The following NRG3 variants were observed in gnomAD, a reference collection of about 807,000 sequenced individuals.
The protein encoded by NRG3 is neuregulin 3.
Under a neutral mutation model 66.9 loss-of-function variants are expected in NRG3, and 31 were observed. That is an observed-to-expected ratio of 0.46 (90% confidence interval 0.35 to 0.63). The LOEUF (loss-of-function observed/expected upper bound fraction) is 0.63. NRG3 is among the 20% of genes least tolerant of loss of function. The pLI, the probability that NRG3 is intolerant of heterozygous loss-of-function variation, is 0.00. For missense variants in NRG3, 910 were observed against 878.9 expected (o/e 1.04, Z -0.45); for synonymous variants, 393 against 359.4 (o/e 1.09, Z -1.06).
intron 1 of NRG3, among the ~76,000 whole-genome samples, chr10:82,024,998 C>T (rs969238385): frequency 2.0e-5 from 3 of 152,016 alleles, no homozygotes; most frequent in African/African-American, 7.2e-5. Context: ...CTAAGTGAAT[C>T]AGTTGAACAT....
intron 1 of NRG3, among the ~76,000 whole-genome samples, chr10:81,901,410 T>C (rs1589398449): frequency 1.3e-5 from 2 of 152,206 alleles, no homozygotes; most frequent in African/African-American, 4.8e-5. Context: ...CTCATACCTA[T>C]AATTCCAGTG....
At chr10:82,646,558 G>T (rs1269523147) in intron 2 of NRG3, among the ~76,000 whole-genome samples, 1 of 152,156 alleles carries the variant, frequency 6.6e-6, no homozygotes, top group Non-Finnish European at 1.5e-5. Context: ...AAATTACGAT[G>T]TCGAAGACAA....
chr10:82,233,625 C>A (rs1237944057), intron 1 of NRG3, among the ~76,000 whole-genome samples: 1 of 152,070 alleles, frequency 6.6e-6, no homozygotes, highest in Admixed American at 6.6e-5. Context: ...TATCTAACTG[C>A]CTCTTTGCCC....
chr10:82,215,301 G>A (rs189513498), intron 1 of NRG3, among the ~76,000 whole-genome samples: 96 of 152,198 alleles, frequency 6.3e-4, no homozygotes, highest in African/African-American at 1.9e-3. Context: ...GCTTTTATAA[G>A]TAATATTTTG....
intron 2 of NRG3, among the ~76,000 whole-genome samples, chr10:82,512,705 T>G (rs533665304): frequency 6.6e-6 from 1 of 152,328 alleles, no homozygotes; most frequent in Non-Finnish European, 1.5e-5. Flanking sequence ...GAGTGAATTT[T>G]CGGTAGATTT....
At chr10:82,040,975 T>C (rs2063006922) in intron 1 of NRG3, among the ~76,000 whole-genome samples, 1 of 152,130 alleles carries the variant, frequency 6.6e-6, no homozygotes. Context: ...TGTTATGATG[T>C]ATCATTTAGA....
chr10:82,815,131 G>C (rs909848241), intron 3 of NRG3, among the ~76,000 whole-genome samples: 1 of 152,152 alleles, frequency 6.6e-6, no homozygotes, highest in Non-Finnish European at 1.5e-5. Context: ...GGTTGGCTTT[G>C]GTCATACCAT....
intron 1 of NRG3, among the ~76,000 whole-genome samples, chr10:82,229,930 A>G (rs2076371138): frequency 6.6e-6 from 1 of 152,214 alleles, no homozygotes; most frequent in East Asian, 1.9e-4. Flanking sequence ...AAAAAATGAA[A>G]CAAAATAAAT....
chr10:82,484,458 A>C (rs775529113), intron 2 of NRG3, among the ~76,000 whole-genome samples: 2 of 152,244 alleles, frequency 1.3e-5, no homozygotes, highest in Non-Finnish European at 2.9e-5. Context: ...TGCCTGGCAC[A>C]AGTCAACAAT....
At chr10:82,377,462 G>A (rs540809925) in intron 2 of NRG3, among the ~76,000 whole-genome samples, 3 of 151,880 alleles carry the variant, frequency 2.0e-5, no homozygotes, top group African/African-American at 4.8e-5. Flanking sequence ...GTGTGTGCGC[G>A]AGCGCACATG....
At chr10:82,809,175 T>G (rs1204605540) in intron 3 of NRG3, among the ~76,000 whole-genome samples, 3 of 152,122 alleles carry the variant, frequency 2.0e-5, no homozygotes, top group Admixed American at 2.0e-4. Context: ...CAATATATAT[T>G]TAGTACTCGC....
At chr10:82,410,669 T>G (rs2088005858) in intron 2 of NRG3, among the ~76,000 whole-genome samples, 1 of 152,048 alleles carries the variant, frequency 6.6e-6, no homozygotes, top group African/African-American at 2.4e-5. Flanking sequence ...GTAAAACCAG[T>G]GAATTGTATA....
intron 1 of NRG3, among the ~76,000 whole-genome samples, chr10:82,350,954 C>G (rs1231503291): frequency 6.6e-6 from 1 of 151,668 alleles, no homozygotes; most frequent in African/African-American, 2.4e-5. Context: ...TGCTGTGGCG[C>G]GATCTCGGCT....
At chr10:82,104,763 C>G (rs1359916023) in intron 1 of NRG3, among the ~76,000 whole-genome samples, 1 of 152,046 alleles carries the variant, frequency 6.6e-6, no homozygotes, top group Non-Finnish European at 1.5e-5. Flanking sequence ...ATTAATATAC[C>G]TGTCTGTATT....
chr10:82,610,709 G>A (rs2048259402), intron 2 of NRG3, among the ~76,000 whole-genome samples: 1 of 152,106 alleles, frequency 6.6e-6, no homozygotes, highest in African/African-American at 2.4e-5. Context: ...TTACTCATTT[G>A]TATTCTTCTT....
At chr10:81,997,426 G>A (rs2060982254) in intron 1 of NRG3, among the ~76,000 whole-genome samples, 1 of 152,172 alleles carries the variant, frequency 6.6e-6, no homozygotes, top group South Asian at 2.1e-4. Flanking sequence ...TTCTCCTCCA[G>A]GAATGGTCAC....
At chr10:81,969,930 T>A (rs1240468842) in intron 1 of NRG3, among the ~76,000 whole-genome samples, 3 of 152,194 alleles carry the variant, frequency 2.0e-5, no homozygotes, top group African/African-American at 7.2e-5. Context: ...TTGCACTATT[T>A]TTTTTTAGCT....
intron 3 of NRG3, among the ~76,000 whole-genome samples, chr10:82,826,341 T>C (rs2062206340): frequency 1.3e-5 from 2 of 152,332 alleles, no homozygotes; most frequent in South Asian, 2.1e-4. Context: ...GCTCAGTTCT[T>C]GCAACAAGCT....
chr10:82,160,644 C>A (rs2071519972), intron 1 of NRG3, among the ~76,000 whole-genome samples: 2 of 151,810 alleles, frequency 1.3e-5, no homozygotes, highest in Non-Finnish European at 2.9e-5. Context: ...GTAAGAGAGA[C>A]AAGAACCCTA....
Sources: allele counts gnomAD v4.1 joint callset (sites outside exome capture counted in the v4.1 genomes callset), GRCh38; gene constraint gnomAD v4.1.1; transcripts MANE v1.5; gene names NCBI Gene and HGNC (gene_info 2026-07-23, HGNC 2026-07-21).